The following ZFHX3 variants were observed in gnomAD, a reference collection of about 807,000 sequenced individuals.
ZFHX3 encodes zinc finger homeobox 3.
ZFHX3 carries 42 observed loss-of-function variants against 279.1 expected under a neutral mutation model. That is an observed-to-expected ratio of 0.15 (90% CI 0.12 to 0.19). The LOEUF (loss-of-function observed/expected upper bound fraction) is 0.19. Ranked by LOEUF, ZFHX3 falls within the 10% of genes least tolerant of loss-of-function variation. The pLI is 1.00. For synonymous variants in ZFHX3, 2,293 were observed against 1,957.8 expected, an observed-to-expected ratio of 1.17 and a Z score of -4.52; for missense variants, 4,981 against 4,754.0, an observed-to-expected ratio of 1.05 and a Z score of -1.40.
At chr16:73,420,377 G>C (rs1188404752) in intron 3 of ZFHX3, 3 of 152,072 alleles carry the variant, frequency 2.0e-5, no homozygotes, top group Non-Finnish European at 4.4e-5. Context: ...TCTGAGCTGG[G>C]GTTATTTTGA....
chr16:73,103,951 T>C (rs1966262166), intron 7 of ZFHX3, among the ~76,000 whole-genome samples: 1 of 152,238 alleles, frequency 6.6e-6, no homozygotes, highest in African/African-American at 2.4e-5. Context: ...CCAAACTAAC[T>C]GAAGGCACTC....
chr16:72,940,437 G>A (rs1960357981), intron 3 of ZFHX3, among the ~76,000 whole-genome samples: 1 of 152,132 alleles, frequency 6.6e-6, no homozygotes, highest in Non-Finnish European at 1.5e-5. Context: ...AGAAGTCAGG[G>A]TAGCCAATGC....
chr16:72,963,840 C>T (rs1198922334), intron 1 of ZFHX3, among the ~76,000 whole-genome samples: 6 of 152,044 alleles, frequency 3.9e-5, no homozygotes, highest in East Asian at 1.9e-4. Context: ...CTCCAGCTCC[C>T]GGAGAATGAA....
intron 5 of ZFHX3, among the ~76,000 whole-genome samples, chr16:73,145,586 A>T (rs1966859493): frequency 6.6e-6 from 1 of 152,258 alleles, no homozygotes; most frequent in Non-Finnish European, 1.5e-5. Flanking sequence ...AAAGGCCTGC[A>T]GAGCCGCTTA....
intron 2 of ZFHX3, among the ~76,000 whole-genome samples, chr16:73,531,357 A>G (rs2019798839): frequency 6.6e-6 from 1 of 152,084 alleles, no homozygotes; most frequent in Admixed American, 6.5e-5. Flanking sequence ...CTAATCCAGA[A>G]CTTACTTCTC....
chr16:73,199,887 A>T (rs1229072526), intron 5 of ZFHX3, among the ~76,000 whole-genome samples: 1 of 152,250 alleles, frequency 6.6e-6, no homozygotes, highest in Non-Finnish European at 1.5e-5. Flanking sequence ...AGAGTTTTAT[A>T]GATTGGCAGT....
chr16:73,224,397 G>A (rs1461006949), intron 5 of ZFHX3, among the ~76,000 whole-genome samples: 1 of 152,146 alleles, frequency 6.6e-6, no homozygotes, highest in African/African-American at 2.4e-5. Flanking sequence ...AATAGTTGGA[G>A]GTTTTTCTTG....
chr16:72,960,239 G>T, intron 1 of ZFHX3, 45 bp from the exon 2 acceptor site: 1 of 1,445,026 alleles, frequency 6.9e-7, no homozygotes, highest in Non-Finnish European at 9.2e-7. Context: ...AGGGGAAAGA[G>T]AGAGAGAAAG....
chr16:73,801,816 C>T (rs1960154598), intron 1 of ZFHX3, among the ~76,000 whole-genome samples: 3 of 152,166 alleles, frequency 2.0e-5, no homozygotes, highest in African/African-American at 4.8e-5. Context: ...CACAAAGACT[C>T]TTAGTGTGCA....
rs191522665 is a variant in ZFHX3 at position 73,222,712 on chromosome 16, A to C, written c.-1104+34335T>G. On this transcript the variant is annotated intron_variant, in intron 5 of 17. Transcript: ENST00000641206. ...GCAGGTCATTTTGTGTTTATTGACAAACTGATTCTAAAGTTTATATGAAGA... is the reference window on the plus strand; with the variant it reads ...GCAGGTCATTTTGTGTTTATTGACACACTGATTCTAAAGTTTATATGAAGA... Among the ~76,000 whole-genome samples, 15 of 152,266 alleles carry C rather than the reference A, an allele frequency of 9.9e-5. No individual in the cohort carries two copies. In the East Asian group the frequency reaches 1.5e-3, roughly 16 times the overall value.
intron 1 of ZFHX3, among the ~76,000 whole-genome samples, chr16:73,786,051 A>G (rs1959632991): frequency 6.6e-6 from 1 of 152,028 alleles, no homozygotes; most frequent in African/African-American, 2.4e-5. Flanking sequence ...TGTGTTTTTT[A>G]GTAGAGACGG....
chr16:73,841,954 C>T lies in ZFHX3; in HGVS notation c.-1608+49697G>A, dbSNP rs577803997. On this transcript the variant is annotated intron_variant, in intron 1 of 17. Coordinates refer to the ZFHX3 transcript ENST00000641206. Reference sequence around the variant, plus strand: ...TCACAGTCAGGTGCGGTGGCTCACGCTGGTAATCCCAGCACTTTGGGAGGC... The same window carrying T: ...TCACAGTCAGGTGCGGTGGCTCACGTTGGTAATCCCAGCACTTTGGGAGGC... Among the ~76,000 whole-genome samples the T allele has an allele frequency of 2.6e-4, 40 of 152,212 alleles. No homozygotes were observed. The South Asian group carries it at 7.7e-3, about 29-fold the overall frequency.
At chr16:72,885,895 C>T (rs1311278699) in intron 4 of ZFHX3, among the ~76,000 whole-genome samples, 1 of 152,154 alleles carries the variant, frequency 6.6e-6, no homozygotes. Context: ...ACCAAGACTT[C>T]CTAATGCTCC....
chr16:73,547,708 G>C (rs2143764609), intron 2 of ZFHX3, among the ~76,000 whole-genome samples: 1 of 152,288 alleles, frequency 6.6e-6, no homozygotes. Flanking sequence ...TGACTCAAGA[G>C]AGGGACATGT....
intron 3 of ZFHX3, among the ~76,000 whole-genome samples, chr16:73,443,352 CCACT>C (rs2018128747): frequency 6.6e-6 from 1 of 152,100 alleles, no homozygotes; most frequent in African/African-American, 2.4e-5. Context: ...TAGACAATTC[CCACT>C]CAGAGAATAA....
At chr16:73,813,176 TG>T (rs1480752108) in intron 1 of ZFHX3, among the ~76,000 whole-genome samples, 5 of 152,220 alleles carry the variant, frequency 3.3e-5, no homozygotes, top group African/African-American at 1.2e-4. Flanking sequence ...GCTGTCTCTC[TG>T]TCTTCTCTCT....
chr16:73,854,389 T>G (rs1961667327), intron 1 of ZFHX3, among the ~76,000 whole-genome samples: 1 of 151,966 alleles, frequency 6.6e-6, no homozygotes. Context: ...TAGCTGGGCG[T>G]GGTAGGAGGC....
At chr16:72,874,106 G>C (rs940701382) in intron 4 of ZFHX3, among the ~76,000 whole-genome samples, 1 of 151,972 alleles carries the variant, frequency 6.6e-6, no homozygotes, top group African/African-American at 2.4e-5. Context: ...CGGGGCTTTG[G>C]AGGAAACTTT....
intron 1 of ZFHX3, among the ~76,000 whole-genome samples, chr16:72,988,164 C>T (rs573919481): frequency 3.9e-5 from 6 of 152,312 alleles, no homozygotes; most frequent in Admixed American, 2.6e-4. Flanking sequence ...TTTAGGAGCA[C>T]TGTAAACCAT....
Sources: gnomAD v4.1 joint callset for allele counts (sites outside exome capture counted in the v4.1 genomes callset) on GRCh38, gnomAD v4.1.1 for gene constraint, MANE v1.5 for transcripts, NCBI Gene and HGNC (gene_info 2026-07-23, HGNC 2026-07-21) for gene names.